NAT9: variants seen among roughly 807,000 people sequenced by gnomAD.
The protein encoded by NAT9 is alpha/beta-tubulin-N-acetyltransferase 9.
A neutral mutation model predicts 24.0 loss-of-function variants in NAT9; 18 were observed. The observed-to-expected ratio is 0.75, with a 90% CI of 0.52 to 1.11. The LOEUF (loss-of-function observed/expected upper bound fraction) is 1.11, where lower values mean the gene tolerates loss of function less well. Among genes scored for constraint, NAT9 ranks in the 50% most tolerant of loss-of-function variants. The pLI, the probability that NAT9 is intolerant of heterozygous loss-of-function variation, is 0.00. For missense variants in NAT9, 254 were observed against 258.6 expected (o/e 0.98, Z 0.12); for synonymous variants, 104 against 102.3 (o/e 1.02, Z -0.10).
At chr17:74,776,200 G>A (rs1409818517) in intron 1 of NAT9, 67 bp downstream of exon 1, 3 of 152,684 alleles carry the variant, frequency 2.0e-5, no homozygotes, top group African/African-American at 4.8e-5. Context: ...CCTTTGAGTG[G>A]CGTTCTAGAC....
intron 5 of NAT9, 50 bp from the exon 6 acceptor site, chr17:74,772,104 C>A: frequency 6.2e-7 from 1 of 1,613,898 alleles, no homozygotes; most frequent in Non-Finnish European, 8.5e-7. Flanking sequence ...CTGCCCCCAC[C>A]CTCCTGTCCC....
At chr17:74,775,598 C>G (rs373951065) in intron 2 of NAT9, 24 bp downstream of exon 2, 48 of 1,606,344 alleles carry the variant, frequency 3.0e-5, no homozygotes, top group Admixed American at 5.0e-5. Context: ...CTGATACGCA[C>G]CCCATGTCAA....
In NAT9 at chr17:74,772,906, G is replaced by A; in HGVS notation, c.324C>T (p.Val108=). ...LEDLTLGEIE[V]MIAEPSCRGK... is the part of the protein sequence containing the mutation. ...CTAGGTGAAACAAACCTGCAATCAT[G>A]ACCTCGATCTCCCCCAAGGTGAGGT... Residue 108 remains valine, a synonymous_variant, in exon 4 of 7, where the codon GTC becomes GTT. Transcript: ENST00000357814. The A allele has an allele frequency of 6.2e-7, 1 of 1,614,156 alleles. No homozygotes were observed. The highest frequency in any genetic ancestry group is 8.5e-7 in the Non-Finnish European group (1 of 1,180,032).
At position 74,776,339 on chromosome 17, in the gene NAT9, G is replaced by T; in HGVS notation, c.-82C>A. On this transcript the variant is annotated 5_prime_UTR_variant, in exon 1 of 7. Transcript: ENST00000357814. ...CCAACCAGCCACGTTCCCAGGCCCG[G>T]CCGGCTACCGCCCCTTCCGCATGCG... 6.6e-6 allele frequency: 1 copy of T among 152,552 alleles called. No individual in the cohort carries two copies. Among genetic ancestry groups the T allele is most frequent in the Non-Finnish European group, 1.5e-5 (1 of 68,210 alleles). 9.4% of individuals were successfully genotyped at this position (152,552 alleles called of 1,614,324 possible).
Position 74,773,588 on chromosome 17 carries a change from C to T in NAT9, c.178G>A (p.Glu60Lys). The stretch of plus-strand genomic sequence containing the variant: ...GGGCACTCCTCACTGTCTGCATCTT[C>T]CTGCCAGCTGCACTGCATGGCATAC... Reference protein sequence around the residue: ...QEYAMQCSWQEDADKCTFIVL... With the variant: ...QEYAMQCSWQKDADKCTFIVL... The change falls in exon 3 of 7, where the codon GAA becomes AAA. Residue 60 changes from glutamate to lysine, a missense_variant. Physicochemically the swap from Glu to Lys is moderately conservative, Grantham distance 56. Coordinates refer to ENST00000357814, the MANE Select transcript of NAT9 (RefSeq NM_015654.5). The T allele has an allele frequency of 6.2e-7, 1 of 1,613,998 alleles. No individual in the cohort carries two copies. The highest frequency in any genetic ancestry group is 1.6e-4 in the Middle Eastern group (1 of 6,062).
Position 74,771,747 on chromosome 17 carries a change from C to G in NAT9, c.601G>C (p.Asp201His). The change falls in exon 7 of 7, where the codon GAT (aspartate) becomes CAT (histidine). Residue 201 changes from aspartate to histidine, a missense_variant. By Grantham distance (81) the Asp-to-His change is moderately conservative. Transcript: ENST00000357814. ...CATCAGCAGGGCTCTGCCGACCCAT[C>G]TCTGTAAGGCTTCTCTTCCACGTGG... ...TSHVEEKPYR[D>H]GSAEPC 1 of 1,613,952 alleles carries G rather than the reference C, an allele frequency of 6.2e-7. No homozygotes were observed. The highest frequency in any genetic ancestry group is 1.1e-5 in the South Asian group (1 of 91,088).
rs1230751421 is a variant in NAT9, at chr17:74,772,227, G to A, written c.385C>T (p.Leu129=). 2.5e-6 allele frequency: 4 copies of A among 1,614,114 alleles called. No homozygotes were observed. The highest frequency in any genetic ancestry group is 3.3e-5 in the Admixed American group (2 of 60,006). ...GLGTEAVLAM[L]SYGVTTLGLT... ...GCTCACACTTTCTTACCGTAAGACA[G>A]CATCGCGAGAACGGCCTCAGTGCCA... The change falls in exon 5 of 7, where the codon CTG becomes TTG. Residue 129 remains leucine (L), a synonymous_variant. Coordinates refer to ENST00000357814, the MANE Select transcript of NAT9 (RefSeq NM_015654.5).
chr17:74,772,933 T>G lies in NAT9; in HGVS notation c.297A>C (p.Glu99Asp). ...CCTCGATCTCCCCCAAGGTGAGGTCTTCTAGATCTGTGAGGAAGAGGTTCA... is the reference window on the plus strand; with the variant it reads ...CCTCGATCTCCCCCAAGGTGAGGTCGTCTAGATCTGTGAGGAAGAGGTTCA... ...GDVNLFLTDL[E>D]DLTLGEIEVM... The change falls in exon 4 of 7, where the codon GAA (glutamate) becomes GAC (aspartate). Residue 99 changes from glutamate (E) to aspartate (D), a missense_variant. By Grantham distance (45) the Glu-to-Asp change is conservative. Coordinates refer to ENST00000357814, the MANE Select transcript of NAT9 (RefSeq NM_015654.5). The G allele has an allele frequency of 6.2e-7, 1 of 1,614,150 alleles. No individual in the cohort carries two copies. Among genetic ancestry groups the G allele is most frequent in the East Asian group, 2.2e-5 (1 of 44,870 alleles).
Position 74,771,625 on chromosome 17 carries a change from C to A in NAT9, c.*99G>T. ...AGGGCCTCGAAAGGTGATTCCCAGC[C>A]TGGGCCAGGAGCACTCTCCCAGTGC... On this transcript the variant is annotated 3_prime_UTR_variant, in exon 7 of 7. Coordinates refer to ENST00000357814, the MANE Select transcript of NAT9 (RefSeq NM_015654.5). 6.5e-7 allele frequency: 1 copy of A among 1,541,116 alleles called. No homozygotes were observed. The highest frequency in any genetic ancestry group is 1.2e-5 in the South Asian group (1 of 85,664).
intron 5 of NAT9, 48 bp from the exon 6 acceptor site, chr17:74,772,102 A>C (rs1598359477): frequency 1.2e-6 from 2 of 1,613,442 alleles, no homozygotes; most frequent in Non-Finnish European, 1.7e-6. Context: ...GCCTGCCCCC[A>C]CCCTCCTGTC....
chr17:74,774,549 C>CT (rs1468050849), intron 2 of NAT9, among the ~76,000 whole-genome samples: 6 of 107,768 alleles, frequency 5.6e-5, no homozygotes, highest in Non-Finnish European at 1.0e-4. Context: ...TCAGGCTGGT[C>CT]TCTTTTTTTT....
At chr17:74,773,543 C>A in intron 3 of NAT9, 33 bp downstream of exon 3, 1 of 1,571,048 alleles carries the variant, frequency 6.4e-7, no homozygotes. Context: ...CTCCCAGTAC[C>A]AGGGCTAGGG....
chr17:74,772,819 C>A, intron 4 of NAT9, 77 bp downstream of exon 4: 1 of 1,590,002 alleles, frequency 6.3e-7, no homozygotes, highest in Non-Finnish European at 8.6e-7. Context: ...AGTGCCCACC[C>A]TTTGCAGCCT....
intron 3 of NAT9, 101 bp downstream of exon 3, chr17:74,773,475 C>CT: frequency 9.5e-7 from 1 of 1,056,602 alleles, no homozygotes; most frequent in South Asian, 1.3e-5. Flanking sequence ...TTTCACAAAG[C>CT]TTCTATGGCC....
intron 2 of NAT9, chr17:74,775,362 A>AT (rs908412857): frequency 5.7e-5 from 19 of 335,138 alleles, no homozygotes; most frequent in Middle Eastern, 1.7e-3. Flanking sequence ...TAATTTTTGT[A>AT]TTTTTTTGTA....
intron 2 of NAT9, among the ~76,000 whole-genome samples, chr17:74,774,464 G>T (rs2035686104): frequency 6.7e-6 from 1 of 150,266 alleles, no homozygotes; most frequent in Non-Finnish European, 1.5e-5. Flanking sequence ...GCCCAGGCTG[G>T]AATTACAGGC....
intron 2 of NAT9, chr17:74,774,041 C>T (rs538957102): frequency 4.6e-6 from 1 of 216,254 alleles, no homozygotes; most frequent in Admixed American, 4.9e-5. Context: ...GCACCAGGAA[C>T]CCTCAAACGG....
intron 6 of NAT9, 34 bp downstream of exon 6, chr17:74,771,926 G>A (rs1422976674): frequency 2.5e-6 from 4 of 1,614,170 alleles, no homozygotes; most frequent in Non-Finnish European, 2.5e-6. Context: ...CACCACCCAG[G>A]TCTAAGCCCC....
chr17:74,771,621 C>A lies in NAT9; in HGVS notation c.*103G>T. On this transcript the variant is annotated 3_prime_UTR_variant, in exon 7 of 7. Transcript: ENST00000357814. ...CTGAAGGGCCTCGAAAGGTGATTCC[C>A]AGCCTGGGCCAGGAGCACTCTCCCA... The A allele has an allele frequency of 6.5e-7, 1 of 1,526,916 alleles. No individual in the cohort carries two copies. Among genetic ancestry groups the A allele is most frequent in the Non-Finnish European group, 8.8e-7 (1 of 1,134,022 alleles). 94.6% of individuals were successfully genotyped at this position (1,526,916 alleles called of 1,614,324 possible).
Sources: gnomAD v4.1 joint callset for allele counts (sites outside exome capture counted in the v4.1 genomes callset) on GRCh38, gnomAD v4.1.1 for gene constraint, MANE v1.5 for transcripts, NCBI Gene and HGNC (gene_info 2026-07-23, HGNC 2026-07-21) for gene names.